CDS2: variants seen among roughly 807,000 people sequenced by gnomAD.
CDS2 encodes CDP-diacylglycerol synthase 2.
A neutral mutation model predicts 59.0 loss-of-function variants in CDS2; 47 were observed. The ratio of observed to expected loss-of-function variants is 0.80; its 90% CI spans 0.63 to 1.02. The LOEUF (loss-of-function observed/expected upper bound fraction) is 1.02, where lower values mean the gene tolerates loss of function less well. CDS2 is among the 50% of genes least tolerant of loss of function. The probability of loss-of-function intolerance (pLI) is 0.00; values close to 1 mark genes in which losing one functional copy is unlikely to be tolerated. For missense variants in CDS2, 356 were observed against 558.9 expected, an observed-to-expected ratio of 0.64 and a Z score of 3.66; for synonymous variants, 207 against 206.4, an observed-to-expected ratio of 1.00 and a Z score of -0.02.
At position 5,186,698 on chromosome 20, in the gene CDS2, G is replaced by T; in HGVS notation, c.840G>T (p.Val280=). The change falls in exon 10 of 13, where the codon GTG becomes GTT. Residue 280 remains valine (V), a synonymous_variant. Coordinates refer to ENST00000460006, the MANE Select transcript of CDS2 (RefSeq NM_003818.4). ...TTATTCCTCCTCAGCTGTCCTATGT[G>T]ATGTCCGGGTACAGATGCTTTGTCT... The part of the protein sequence containing the change: ...TVVFGLLLSY[V]MSGYRCFVCP... 5 of 1,614,052 alleles carry T rather than the reference G, an allele frequency of 3.1e-6. No homozygotes were observed. Among genetic ancestry groups the T allele is most frequent in the Non-Finnish European group, 4.2e-6 (5 of 1,180,000 alleles).
intron 1 of CDS2, among the ~76,000 whole-genome samples, chr20:5,143,876 T>G (rs561894397): frequency 6.6e-6 from 1 of 152,002 alleles, no homozygotes; most frequent in South Asian, 2.1e-4. Context: ...GCGATTTTTG[T>G]GCCTTAGCCT....
chr20:5,197,871 A>G lies in CDS2; in HGVS notation c.*7637A>G, dbSNP rs2091170638. The G allele has an allele frequency of 6.6e-6, 1 of 152,168 alleles. No homozygotes were observed. The allele number at this position is 152,168 out of a possible 1,614,324, so 9.4% of individuals were successfully genotyped here. On this transcript the variant is annotated 3_prime_UTR_variant, in exon 13 of 13. Coordinates refer to ENST00000460006, the MANE Select transcript of CDS2 (RefSeq NM_003818.4). ...CTGAATGTTCCTACTACACAAATAAACATATATTAAATTCTAGATCATGTG... is the reference window on the plus strand; with the variant it reads ...CTGAATGTTCCTACTACACAAATAAGCATATATTAAATTCTAGATCATGTG...
rs2091153400 is a variant in CDS2 at position 5,195,857 on chromosome 20, A to G, written c.*5623A>G. Reference sequence around the variant, plus strand: ...AGGTATTTCTGCCGGATTCTAGGTTAGCAAAGACTCAAATGGGTGACTCAT... The same window carrying G: ...AGGTATTTCTGCCGGATTCTAGGTTGGCAAAGACTCAAATGGGTGACTCAT... On this transcript the variant is annotated 3_prime_UTR_variant, in exon 13 of 13. Coordinates refer to ENST00000460006, the MANE Select transcript of CDS2 (RefSeq NM_003818.4). The G allele has an allele frequency of 6.6e-6, 1 of 152,198 alleles. No homozygotes were observed. Among genetic ancestry groups the G allele is most frequent in the African/African-American group, 2.4e-5 (1 of 41,436 alleles). The allele number at this position is 152,198 out of a possible 1,614,324, so 9.4% of individuals were successfully genotyped here.
intron 1 of CDS2, among the ~76,000 whole-genome samples, chr20:5,157,317 G>T (rs1175191047): frequency 6.6e-6 from 1 of 152,196 alleles, no homozygotes; most frequent in African/African-American, 2.4e-5. Context: ...GAAGTAAAGA[G>T]GGGGAGAAGT....
chr20:5,177,087 G>A (rs982977287), intron 4 of CDS2, among the ~76,000 whole-genome samples: 4 of 152,166 alleles, frequency 2.6e-5, no homozygotes, highest in Admixed American at 1.3e-4. Context: ...GTTACTTGAA[G>A]TCTGGAATCT....
rs189271288 is a variant in CDS2, at chr20:5,182,383, C to T, written c.530-4C>T. On this transcript the variant is annotated splice_region_variant and splice_polypyrimidine_tract_variant and intron_variant, in intron 5 of 12. Coordinates refer to ENST00000460006, the MANE Select transcript of CDS2 (RefSeq NM_003818.4). ...TTTTCTTTTCTCCTCCCACCTCAAA[C>T]TAGGATTCTGCATGTTTGTACTGAG... 179 of 1,607,802 alleles carry T rather than the reference C, an allele frequency of 1.1e-4. No individual in the cohort carries two copies. The African/African-American group carries it at 2.0e-3, about 18-fold the overall frequency.
intron 1 of CDS2, among the ~76,000 whole-genome samples, chr20:5,138,116 AT>A (rs11475285): frequency 0.35 from 49,808 of 143,148 alleles, 8,555 homozygotes; most frequent in South Asian, 0.43. Flanking sequence ...ATTTCTTTAA[AT>A]TTTTTTTTTT....
At chr20:5,159,014 G>A (rs1030814583) in intron 1 of CDS2, among the ~76,000 whole-genome samples, 4 of 152,118 alleles carry the variant, frequency 2.6e-5, no homozygotes, top group African/African-American at 9.7e-5. Context: ...GTGTCTTTGC[G>A]ATGGAACAGA....
chr20:5,145,928 A>G (rs1248501311), intron 1 of CDS2, among the ~76,000 whole-genome samples: 2 of 150,448 alleles, frequency 1.3e-5, no homozygotes, highest in Admixed American at 1.3e-4. Context: ...CACTCAGTCA[A>G]CCCTCCCATC....
At chr20:5,136,929 C>T (rs2090654089) in intron 1 of CDS2, among the ~76,000 whole-genome samples, 1 of 152,052 alleles carries the variant, frequency 6.6e-6, no homozygotes, top group Non-Finnish European at 1.5e-5. Flanking sequence ...GTTTTTCAAT[C>T]CTCACCAGCC....
intron 10 of CDS2, 50 bp downstream of exon 10, chr20:5,186,889 A>G (rs1170501173): frequency 1.3e-6 from 2 of 1,598,966 alleles, no homozygotes; most frequent in African/African-American, 2.7e-5. Context: ...AGTGGCTACA[A>G]AGAGAGATCC....
intron 7 of CDS2, 166 bp downstream of exon 7, chr20:5,183,309 G>C (rs946132122): frequency 3.3e-6 from 2 of 612,486 alleles, no homozygotes; most frequent in East Asian, 5.6e-5. Context: ...TGATTCATTA[G>C]ATCTGGGGTA....
chr20:5,154,939 C>T (rs1426201744), intron 1 of CDS2, among the ~76,000 whole-genome samples: 1 of 152,226 alleles, frequency 6.6e-6, no homozygotes, highest in East Asian at 1.9e-4. Context: ...TGAGCCGTTG[C>T]GCTCAGCTGA....
chr20:5,156,982 G>GCCTA (rs1165194905), intron 1 of CDS2, among the ~76,000 whole-genome samples: 2 of 152,124 alleles, frequency 1.3e-5, no homozygotes. Context: ...TAAATTATGT[G>GCCTA]CCTACACTTG....
At chr20:5,144,400 A>T (rs1334164774) in intron 1 of CDS2, among the ~76,000 whole-genome samples, 2 of 152,088 alleles carry the variant, frequency 1.3e-5, no homozygotes, top group Non-Finnish European at 2.9e-5. Flanking sequence ...CCCCCTAGTA[A>T]TGGAGTTCAT....
intron 1 of CDS2, among the ~76,000 whole-genome samples, chr20:5,167,827 A>C (rs919661332): frequency 5.3e-5 from 8 of 152,226 alleles, no homozygotes; most frequent in Admixed American, 1.3e-4. Context: ...GATAATTTGC[A>C]TATAAAGCAG....
At chr20:5,131,119 A>G (rs2122941134) in intron 1 of CDS2, among the ~76,000 whole-genome samples, 1 of 151,096 alleles carries the variant, frequency 6.6e-6, no homozygotes, top group African/African-American at 2.4e-5. Flanking sequence ...AAAGCTCTGG[A>G]GTAAACTTGA....
intron 1 of CDS2, among the ~76,000 whole-genome samples, chr20:5,131,236 T>C (rs1012301058): frequency 3.3e-5 from 5 of 152,190 alleles, no homozygotes; most frequent in African/African-American, 1.2e-4. Context: ...TTTATAAAAG[T>C]CAGAAGGTAT....
intron 1 of CDS2, among the ~76,000 whole-genome samples, chr20:5,137,885 G>A (rs1173825260): frequency 1.3e-5 from 2 of 151,168 alleles, no homozygotes; most frequent in East Asian, 2.0e-4. Flanking sequence ...TCCAAGCTCC[G>A]ACTCCCGGGT....
Sources: allele counts gnomAD v4.1 joint callset (sites outside exome capture counted in the v4.1 genomes callset), GRCh38; gene constraint gnomAD v4.1.1; transcripts MANE v1.5; gene names NCBI Gene and HGNC (gene_info 2026-07-23, HGNC 2026-07-21).